The following AGMO variants were observed in gnomAD, a reference collection of about 807,000 sequenced individuals.
AGMO encodes the protein alkylglycerol monooxygenase, also known as glyceryl-ether monooxygenase.
AGMO carries 75 observed loss-of-function variants against 60.2 expected under a neutral mutation model. The observed-to-expected ratio is 1.25, with a 90% CI of 1.03 to 1.51. AGMO has a LOEUF of 1.51. Among genes scored for constraint, AGMO ranks in the 40% most tolerant of loss-of-function variants. The pLI, the probability that AGMO is intolerant of heterozygous loss-of-function variation, is 0.00. For synonymous variants in AGMO, 261 were observed against 177.1 expected, an observed-to-expected ratio of 1.47 and a Z score of -3.76; for missense variants, 763 against 525.5, an observed-to-expected ratio of 1.45 and a Z score of -4.42.
chr7:15,412,771 G>A lies in AGMO; in HGVS notation c.609+5787C>T, dbSNP rs111919835. On this transcript the variant is annotated intron_variant, in intron 5 of 12. Coordinates refer to ENST00000342526, the MANE Select transcript of AGMO (RefSeq NM_001004320.2). ...AGGAATATGCCCTAAGGCTAAAGGC[G>A]GTGCCAAAAATCCCCACATATCCTA... is the stretch of plus-strand genomic sequence containing the variant. 9.9e-3 allele frequency among the ~76,000 whole-genome samples: 1,491 copies of A among 150,700 alleles called. 18 individuals are homozygous for A. Among genetic ancestry groups the A allele is most frequent in the African/African-American group, 0.033 (1,363 of 41,042 alleles).
chr7:15,353,984 TG>T (rs1471827727), intron 12 of AGMO, among the ~76,000 whole-genome samples: 6 of 152,178 alleles, frequency 3.9e-5, no homozygotes, highest in Non-Finnish European at 7.4e-5. Flanking sequence ...GAAAATTTCA[TG>T]TGATAGTTTG....
chr7:15,195,375 A>G (rs1781091115), downstream of AGMO, among the ~76,000 whole-genome samples: 1 of 152,228 alleles, frequency 6.6e-6, no homozygotes, highest in Non-Finnish European at 1.5e-5. Context: ...TGCCCCTGGT[A>G]AAGTGCACAG....
At chr7:15,492,534 A>C (rs1393325624) in intron 3 of AGMO, among the ~76,000 whole-genome samples, 1 of 151,930 alleles carries the variant, frequency 6.6e-6, no homozygotes, top group African/African-American at 2.4e-5. Flanking sequence ...ATGTACCTAC[A>C]CTCAAGAGTA....
intron 3 of AGMO, among the ~76,000 whole-genome samples, chr7:15,444,406 C>A (rs1562510544): frequency 1.3e-5 from 2 of 152,146 alleles, no homozygotes; most frequent in Admixed American, 6.5e-5. Context: ...AAAGAATGAA[C>A]TATTTACTCC....
At chr7:15,268,396 C>A (rs1011029429) in intron 12 of AGMO, among the ~76,000 whole-genome samples, 25 of 152,064 alleles carry the variant, frequency 1.6e-4, no homozygotes, top group Non-Finnish European at 1.8e-4. Flanking sequence ...AACATGGAGC[C>A]CAAAATCCTT....
intron 12 of AGMO, among the ~76,000 whole-genome samples, chr7:15,259,706 T>C (rs1343107560): frequency 6.6e-6 from 1 of 151,376 alleles, no homozygotes; most frequent in Non-Finnish European, 1.5e-5. Context: ...TAACCGCAGG[T>C]TTCTCAGCAG....
At chr7:15,270,385 G>A (rs1783561320) in intron 12 of AGMO, among the ~76,000 whole-genome samples, 1 of 151,822 alleles carries the variant, frequency 6.6e-6, no homozygotes, top group Admixed American at 6.6e-5. Context: ...ATGATGTTGA[G>A]CATTTTCATA....
intron 12 of AGMO, among the ~76,000 whole-genome samples, chr7:15,210,790 C>A (rs1393815665): frequency 1.3e-5 from 2 of 151,894 alleles, no homozygotes; most frequent in Non-Finnish European, 2.9e-5. Context: ...TTCTTTCCTC[C>A]AAGGTGGTAG....
chr7:15,394,276 T>C (rs886770360), intron 5 of AGMO, 97 bp from the exon 6 acceptor site: 5 of 948,358 alleles, frequency 5.3e-6, no homozygotes, highest in East Asian at 2.5e-5. Context: ...AATTAAGAGA[T>C]ATTGCGAATT....
intron 10 of AGMO, among the ~76,000 whole-genome samples, chr7:15,369,543 G>C (rs539132199): frequency 1.0e-3 from 159 of 152,040 alleles, no homozygotes; most frequent in African/African-American, 3.8e-3. Flanking sequence ...TGATCATTAG[G>C]GTGCATTTCA....
chr7:15,297,132 C>A (rs115879732), intron 12 of AGMO, among the ~76,000 whole-genome samples: 1,882 of 152,042 alleles, frequency 0.012, 48 homozygotes, highest in African/African-American at 0.043. Flanking sequence ...GCTGAACTGA[C>A]CTAAAGAGAA....
At chr7:15,360,584 A>G (rs2128559061) in intron 12 of AGMO, among the ~76,000 whole-genome samples, 1 of 152,248 alleles carries the variant, frequency 6.6e-6, no homozygotes, top group Non-Finnish European at 1.5e-5. Flanking sequence ...TAGTCTGAGG[A>G]GGAGGAGGAA....
chr7:15,244,470 C>T (rs1782683969), intron 12 of AGMO, among the ~76,000 whole-genome samples: 1 of 152,208 alleles, frequency 6.6e-6, no homozygotes, highest in Non-Finnish European at 1.5e-5. Flanking sequence ...ACTCCTAATC[C>T]CTCCCATTAG....
At chr7:15,538,146 G>C (rs1234088131) in intron 3 of AGMO, among the ~76,000 whole-genome samples, 1 of 152,118 alleles carries the variant, frequency 6.6e-6, no homozygotes, top group Non-Finnish European at 1.5e-5. Context: ...GGGATCATGA[G>C]AGAAGACAAG....
chr7:15,279,469 G>GT (rs935441026), intron 12 of AGMO, among the ~76,000 whole-genome samples: 97 of 151,098 alleles, frequency 6.4e-4, no homozygotes, highest in African/African-American at 1.4e-3. Context: ...AACACTGGTT[G>GT]TTTTTTTTTA....
At chr7:15,524,457 A>G (rs528958336) in intron 3 of AGMO, among the ~76,000 whole-genome samples, 3 of 152,340 alleles carry the variant, frequency 2.0e-5, no homozygotes, top group Non-Finnish European at 4.4e-5. Flanking sequence ...GTAATTATTT[A>G]TAAAAAATGC....
At chr7:15,202,924 G>C (rs1158449383) in intron 12 of AGMO, among the ~76,000 whole-genome samples, 1 of 152,102 alleles carries the variant, frequency 6.6e-6, no homozygotes, top group Non-Finnish European at 1.5e-5. Context: ...TGAGAGGGGC[G>C]CTGAGAAGAT....
chr7:15,352,533 G>C (rs895919649), intron 12 of AGMO, among the ~76,000 whole-genome samples: 3 of 151,870 alleles, frequency 2.0e-5, no homozygotes, highest in Admixed American at 6.6e-5. Flanking sequence ...GGGTGTTCAG[G>C]GGAGGGGGTG....
chr7:15,332,903 T>C (rs981562162), intron 12 of AGMO, among the ~76,000 whole-genome samples: 1 of 152,170 alleles, frequency 6.6e-6, no homozygotes, highest in African/African-American at 2.4e-5. Flanking sequence ...TATTGCATTA[T>C]GGTATACATT....
Sources: gnomAD v4.1 joint callset for allele counts (sites outside exome capture counted in the v4.1 genomes callset) on GRCh38, gnomAD v4.1.1 for gene constraint, MANE v1.5 for transcripts, NCBI Gene and HGNC (gene_info 2026-07-23, HGNC 2026-07-21) for gene names.